FAM107B: variants seen among roughly 807,000 people sequenced by gnomAD.
FAM107B encodes family with sequence similarity 107 member B, also known as protein FAM107B.
Under a neutral mutation model 31.5 loss-of-function variants are expected in FAM107B, and 21 were observed. The ratio of observed to expected loss-of-function variants is 0.67; its 90% confidence interval spans 0.47 to 0.96. FAM107B has a LOEUF of 0.96. FAM107B is among the 40% of genes least tolerant of loss of function. The probability of loss-of-function intolerance (pLI) is 0.00; values close to 1 mark genes in which losing one functional copy is unlikely to be tolerated. For missense variants in FAM107B, 452 were observed against 377.1 expected (o/e 1.20, Z -1.64); for synonymous variants, 157 against 141.5 (o/e 1.11, Z -0.78).
At chr10:14,557,081 C>T (rs979184385) in intron 2 of FAM107B, among the ~76,000 whole-genome samples, 11 of 152,232 alleles carry the variant, frequency 7.2e-5, no homozygotes. Flanking sequence ...CTGGCTCTTC[C>T]TCACCTTCTC....
chr10:14,686,657 C>G (rs1449972179), intron 1 of FAM107B, among the ~76,000 whole-genome samples: 3 of 152,200 alleles, frequency 2.0e-5, no homozygotes, highest in African/African-American at 7.2e-5. Flanking sequence ...TGAAGTGAAG[C>G]TGTAAGTTTA....
intron 1 of FAM107B, among the ~76,000 whole-genome samples, chr10:14,688,912 T>G (rs2948719): frequency 0.32 from 48,116 of 152,128 alleles, 7,772 homozygotes; most frequent in Admixed American, 0.36. Context: ...AGATGTATTC[T>G]TTGGGACAAG....
chr10:14,551,849 A>G (rs900849470), intron 2 of FAM107B, among the ~76,000 whole-genome samples: 5 of 151,676 alleles, frequency 3.3e-5, no homozygotes, highest in Admixed American at 6.6e-5. Context: ...GCTTTATCAA[A>G]TTCTCCCCAG....
At chr10:14,604,208 G>A in intron 2 of FAM107B, 1 of 979,564 alleles carries the variant, frequency 1.0e-6, no homozygotes, top group Non-Finnish European at 1.2e-6. Context: ...CCTCGTCTTT[G>A]TGTGGAAAGT....
chr10:14,575,492 T>C (rs890806575), intron 2 of FAM107B, among the ~76,000 whole-genome samples: 1 of 152,160 alleles, frequency 6.6e-6, no homozygotes, highest in Non-Finnish European at 1.5e-5. Flanking sequence ...TATGAGACAC[T>C]GCGCCCGGCC....
At chr10:14,735,311 A>G (rs1480044106) in intron 1 of FAM107B, among the ~76,000 whole-genome samples, 1 of 152,010 alleles carries the variant, frequency 6.6e-6, no homozygotes, top group Non-Finnish European at 1.5e-5. Flanking sequence ...TTAGCCCATC[A>G]GCTATCATTC....
At chr10:14,657,821 C>CT (rs34103993) in intron 2 of FAM107B, among the ~76,000 whole-genome samples, 16,609 of 149,948 alleles carry the variant, frequency 0.11, 1,093 homozygotes, top group Admixed American at 0.21. Context: ...TTTTTTTTTC[C>CT]TTTTTTTTGA....
chr10:14,618,140 T>G (rs568529786), intron 2 of FAM107B, among the ~76,000 whole-genome samples: 14 of 152,334 alleles, frequency 9.2e-5, no homozygotes, highest in Middle Eastern at 6.8e-3. Flanking sequence ...TTTTCCAGAA[T>G]GCAACATGAA....
At position 14,726,451 on chromosome 10, in the gene FAM107B, A is replaced by G. The variant is rs74591115; in HGVS notation, c.411+47802T>C. Among the ~76,000 whole-genome samples the G allele has an allele frequency of 2.8e-3, 423 of 152,312 alleles. 3 individuals are homozygous for G. The highest frequency in any genetic ancestry group is 9.5e-3 in the African/African-American group (396 of 41,554). The stretch of plus-strand genomic sequence containing the variant: ...ATGTCTGCACCAGGCTTGAGAAAAG[A>G]AAGGACCAAAGCCATAGCACAGTGC... On this transcript the variant is annotated intron_variant, in intron 1 of 4. Transcript: ENST00000181796.
chr10:14,615,963 C>T (rs970053006), intron 2 of FAM107B, among the ~76,000 whole-genome samples: 8 of 152,200 alleles, frequency 5.3e-5, no homozygotes, highest in East Asian at 1.9e-4. Flanking sequence ...ATAAATATGA[C>T]GGAATTACTT....
At chr10:14,643,848 T>G (rs1853690029) in intron 2 of FAM107B, among the ~76,000 whole-genome samples, 1 of 152,206 alleles carries the variant, frequency 6.6e-6, no homozygotes, top group Non-Finnish European at 1.5e-5. Flanking sequence ...AAACTAATCA[T>G]CGCACAGACC....
intron 2 of FAM107B, among the ~76,000 whole-genome samples, chr10:14,618,169 T>C (rs1167506716): frequency 6.6e-6 from 1 of 152,214 alleles, no homozygotes; most frequent in African/African-American, 2.4e-5. Context: ...TACAGTTCAG[T>C]CTCCTTCAGG....
chr10:14,757,342 T>C (rs1588759247), intron 1 of FAM107B, among the ~76,000 whole-genome samples: 2 of 150,474 alleles, frequency 1.3e-5, no homozygotes, highest in Admixed American at 6.6e-5. Context: ...AAGACTGCAG[T>C]GTCCAATCCT....
At chr10:14,549,915 A>ACAC (rs1849097552) in intron 2 of FAM107B, among the ~76,000 whole-genome samples, 1 of 152,228 alleles carries the variant, frequency 6.6e-6, no homozygotes, top group Non-Finnish European at 1.5e-5. Context: ...ACACAGAATG[A>ACAC]TGAAAGCCTA....
At chr10:14,681,297 C>A (rs576770047) in intron 1 of FAM107B, among the ~76,000 whole-genome samples, 1 of 152,150 alleles carries the variant, frequency 6.6e-6, no homozygotes, top group Non-Finnish European at 1.5e-5. Flanking sequence ...GTTTGAGAAT[C>A]ACCGTTGCAA....
At position 14,722,126 on chromosome 10, in the gene FAM107B, C is replaced by G. The variant is rs544365283; in HGVS notation, c.411+52127G>C. On this transcript the variant is annotated intron_variant, in intron 1 of 4. Coordinates refer to ENST00000181796, the MANE Select transcript of FAM107B (RefSeq NM_031453.4). Reference sequence around the variant, plus strand: ...TGTAGTCACAAAATTGTGCAAACATCACTACTAATTCCAGAATATTTTCAT... The same window carrying G: ...TGTAGTCACAAAATTGTGCAAACATGACTACTAATTCCAGAATATTTTCAT... Among the ~76,000 whole-genome samples the G allele has an allele frequency of 3.9e-4, 60 of 152,278 alleles. No homozygotes were observed. In the South Asian group the frequency reaches 0.012, roughly 30 times the overall value.
rs530944790 is a variant in FAM107B at position 14,672,571 on chromosome 10, T to G, written c.412-4880A>C. 1.7e-4 allele frequency among the ~76,000 whole-genome samples: 26 copies of G among 152,348 alleles called. 1 individual carries two copies. The highest frequency in any genetic ancestry group is 1.6e-3 in the Admixed American group (25 of 15,300). On this transcript the variant is annotated intron_variant, in intron 1 of 4. Coordinates refer to ENST00000181796, the MANE Select transcript of FAM107B (RefSeq NM_031453.4). ...GAAAAGGTACAGTAAAAAGATAGTT[T>G]ATAACCTGATGGGACCTCCATTCTA...
rs564191797 is a variant in FAM107B, at chr10:14,570,577, G to A, written c.470-40062C>T. Among the ~76,000 whole-genome samples the A allele has an allele frequency of 3.7e-4, 56 of 152,290 alleles. No individual in the cohort carries two copies. In the South Asian group the frequency reaches 7.9e-3, roughly 21 times the overall value. On this transcript the variant is annotated intron_variant, in intron 2 of 4. Transcript: ENST00000181796. ...AGCACTTTGGGAGGCTGAGGTGGGC[G>A]TATCGCTTGTGGTCAGGAGTTCAAG...
intron 1 of FAM107B, among the ~76,000 whole-genome samples, chr10:14,762,325 T>G (rs1274563336): frequency 1.3e-5 from 2 of 152,190 alleles, no homozygotes; most frequent in Non-Finnish European, 2.9e-5. Context: ...AGTTAGTCAC[T>G]GAAGGACCCT....
Sources: allele counts gnomAD v4.1 joint callset (sites outside exome capture counted in the v4.1 genomes callset), GRCh38; gene constraint gnomAD v4.1.1; transcripts MANE v1.5; gene names NCBI Gene and HGNC (gene_info 2026-07-23, HGNC 2026-07-21).